Variants in SNX16 observed in about 807,000 individuals in gnomAD.
SNX16 encodes sorting nexin 16.
Under a neutral mutation model 36.7 loss-of-function variants are expected in SNX16, and 35 were observed. That is an observed-to-expected ratio of 0.95 (90% CI 0.73 to 1.27). The LOEUF is 1.27. SNX16 is among the 50% of genes most tolerant of loss of function. The pLI is 0.00. For missense variants in SNX16, 367 were observed against 393.6 expected (o/e 0.93, Z 0.57); for synonymous variants, 134 against 132.0 (o/e 1.02, Z -0.10).
At chr8:81,841,292 G>A (rs1233696860) in intron 1 of SNX16, among the ~76,000 whole-genome samples, 2 of 144,610 alleles carry the variant, frequency 1.4e-5, no homozygotes, top group African/African-American at 5.2e-5. Flanking sequence ...AGTTTGCCGA[G>A]ATCGTGCCAT....
intron 3 of SNX16, among the ~76,000 whole-genome samples, chr8:81,826,182 T>G (rs1554546869): frequency 6.6e-6 from 1 of 152,066 alleles, no homozygotes; most frequent in Non-Finnish European, 1.5e-5. Flanking sequence ...AATCTCAGGA[T>G]GCCACTTACA....
At chr8:81,811,293 T>C (rs1419181581) in intron 5 of SNX16, among the ~76,000 whole-genome samples, 1 of 152,124 alleles carries the variant, frequency 6.6e-6, no homozygotes, top group Non-Finnish European at 1.5e-5. Context: ...TATGGGGCCT[T>C]GATAAGCTTT....
At chr8:81,808,539 G>C in intron 5 of SNX16, 1 of 985,768 alleles carries the variant, frequency 1.0e-6, no homozygotes, top group Non-Finnish European at 1.6e-6. Context: ...CTTTGGAGGT[G>C]GTGGAAGCTA....
At position 81,802,414 on chromosome 8, in the gene SNX16, C is replaced by G; in HGVS notation, c.904G>C (p.Glu302Gln). 6.2e-7 allele frequency: 1 copy of G among 1,609,370 alleles called. No homozygotes were observed. ...QILKVESSAL[E>Q]VDQDVLDEES... The stretch of plus-strand genomic sequence containing the variant: ...TCATCCAGGACATCTTGATCAACCT[C>G]AAGTGCAGAGGACTCCACCTTTAGG... The change falls in exon 7 of 8, where the codon GAG becomes CAG. Residue 302 changes from glutamate to glutamine, a missense_variant. Glu to Gln is a conservative substitution (Grantham distance 29, BLOSUM62 2). Coordinates refer to ENST00000345957, the MANE Select transcript of SNX16 (RefSeq NM_152836.3).
intron 5 of SNX16, chr8:81,808,186 G>A (rs1446309743): frequency 3.0e-6 from 4 of 1,330,690 alleles, no homozygotes; most frequent in African/African-American, 1.4e-5. Context: ...AATCATGACT[G>A]ACCAAGGCAG....
chr8:81,801,379 A>C lies in SNX16; in HGVS notation c.*118T>G. On this transcript the variant is annotated 3_prime_UTR_variant, in exon 8 of 8. Coordinates refer to ENST00000345957, the MANE Select transcript of SNX16 (RefSeq NM_152836.3). ...AAACTTCTTTATGTAAACTTTATAC[A>C]TGTGCATTCTTGCTCTTTTCTATAT... 1 of 518,976 alleles carries C rather than the reference A, an allele frequency of 1.9e-6. No individual in the cohort carries two copies. Among genetic ancestry groups the C allele is most frequent in the East Asian group, 3.1e-5 (1 of 32,558 alleles). 32.1% of individuals were successfully genotyped at this position (518,976 alleles called of 1,614,324 possible). A position where few individuals can be genotyped will look rare whatever the true frequency, so the allele number is the denominator to read the frequency against.
At chr8:81,820,713 C>T (rs780526583) in intron 4 of SNX16, among the ~76,000 whole-genome samples, 9 of 152,024 alleles carry the variant, frequency 5.9e-5, no homozygotes, top group Non-Finnish European at 1.0e-4. Flanking sequence ...CTGATCTCCC[C>T]GCTTCTTTGA....
chr8:81,840,998 G>A (rs975704532), intron 1 of SNX16, among the ~76,000 whole-genome samples: 3 of 152,202 alleles, frequency 2.0e-5, no homozygotes, highest in Non-Finnish European at 4.4e-5. Flanking sequence ...CTACTGGTGG[G>A]AAAGGTAAGA....
rs1467963516 is a variant in SNX16 at position 81,818,473 on chromosome 8, G to A, written c.612-3079C>T. ...AGAATTATTGAATTTTTTTTAACTA[G>A]AAGAAACCTAACTTGTCATCTAATC... On this transcript the variant is annotated intron_variant, in intron 4 of 7. Transcript: ENST00000345957. 2.0e-5 allele frequency among the ~76,000 whole-genome samples: 3 copies of A among 151,918 alleles called. No homozygotes were observed. In the East Asian group the frequency reaches 5.8e-4, roughly 29 times the overall value.
At position 81,808,200 on chromosome 8, in the gene SNX16, C is replaced by T; in HGVS notation, c.682-4972G>A. Reference sequence around the variant, plus strand: ...AAATCATGACTGACCAAGGCAGTGGCAAGAAAAGGGGCTTTGCCTTTGTAA... The same window carrying T: ...AAATCATGACTGACCAAGGCAGTGGTAAGAAAAGGGGCTTTGCCTTTGTAA... On this transcript the variant is annotated intron_variant, in intron 5 of 7. Coordinates refer to ENST00000345957, the MANE Select transcript of SNX16 (RefSeq NM_152836.3). 4 of 1,330,050 alleles carry T rather than the reference C, an allele frequency of 3.0e-6. No homozygotes were observed. The South Asian group carries it at 3.5e-5, about 12-fold the overall frequency. The allele number at this position is 1,330,050 out of a possible 1,614,324, so 82.4% of individuals were successfully genotyped here. A position where few individuals can be genotyped will look rare whatever the true frequency, so the allele number is the denominator to read the frequency against.
chr8:81,820,783 T>C (rs1810707492), intron 4 of SNX16, among the ~76,000 whole-genome samples: 1 of 151,976 alleles, frequency 6.6e-6, no homozygotes, highest in Non-Finnish European at 1.5e-5. Flanking sequence ...TGTCATTATT[T>C]TGTTTAAACA....
chr8:81,815,532 T>C (rs1022844009), intron 4 of SNX16, 138 bp from the exon 5 acceptor site: 11 of 545,088 alleles, frequency 2.0e-5, no homozygotes, highest in Non-Finnish European at 3.6e-5. Context: ...TAAATATAAA[T>C]ATAAAACTAT....
rs1445268377 is a variant in SNX16, at chr8:81,820,102, CT to C, written c.611+3689del. Among the ~76,000 whole-genome samples, 9 of 152,200 alleles carry C rather than the reference CT, an allele frequency of 5.9e-5. No homozygotes were observed. In the East Asian group the frequency reaches 1.7e-3, roughly 29 times the overall value. On this transcript the variant is annotated intron_variant, in intron 4 of 7. Coordinates refer to ENST00000345957, the MANE Select transcript of SNX16 (RefSeq NM_152836.3). ...TTGCCATTCCAACTGTACCAGAATGCTAACAGGCATCCCAGCAGGTAATATG... is the reference window on the plus strand; with the variant it reads ...TTGCCATTCCAACTGTACCAGAATGCAACAGGCATCCCAGCAGGTAATATG...
intron 3 of SNX16, 29 bp downstream of exon 3, chr8:81,829,401 T>C (rs995041887): frequency 4.8e-6 from 5 of 1,032,462 alleles, no homozygotes; most frequent in Admixed American, 3.2e-5. Flanking sequence ...AAAACTGAAA[T>C]GTTAGTTTGG....
At chr8:81,803,009 T>C (rs532722481) in intron 6 of SNX16, 83 bp downstream of exon 6, 1 of 1,229,182 alleles carries the variant, frequency 8.1e-7, no homozygotes, top group South Asian at 2.5e-5. Context: ...AATTCCTAAA[T>C]CATATTAAAA....
At chr8:81,821,543 T>C (rs569383836) in intron 4 of SNX16, among the ~76,000 whole-genome samples, 2 of 152,196 alleles carry the variant, frequency 1.3e-5, no homozygotes, top group African/African-American at 4.8e-5. Context: ...TCTATAATTT[T>C]GGTGTTTACT....
intron 4 of SNX16, among the ~76,000 whole-genome samples, chr8:81,822,931 TATATATATAC>T (rs1810816259): frequency 9.6e-6 from 1 of 104,648 alleles, no homozygotes; most frequent in Non-Finnish European, 1.9e-5. Flanking sequence ...GATGTGTATA[TATATATATAC>T]ATATACATAT....
chr8:81,811,548 CAAGA>C (rs1810251569), intron 5 of SNX16, among the ~76,000 whole-genome samples: 1 of 151,916 alleles, frequency 6.6e-6, no homozygotes, highest in African/African-American at 2.4e-5. Flanking sequence ...TGCAGAAATA[CAAGA>C]AAGCCAGGCT....
intron 2 of SNX16, among the ~76,000 whole-genome samples, chr8:81,835,809 G>GC (rs1328556615): frequency 2.6e-5 from 4 of 152,292 alleles, no homozygotes; most frequent in East Asian, 3.9e-4. Context: ...AAGGTGAAAG[G>GC]CAAGTCTCAC....
Sources: allele counts gnomAD v4.1 joint callset (sites outside exome capture counted in the v4.1 genomes callset), GRCh38; gene constraint gnomAD v4.1.1; transcripts MANE v1.5; gene names NCBI Gene and HGNC (gene_info 2026-07-23, HGNC 2026-07-21).